Variants in SH3YL1 observed in about 807,000 individuals in gnomAD.
The protein encoded by SH3YL1 is SH3 domain-containing YSC84-like protein 1.
Under a neutral mutation model 45.8 loss-of-function variants are expected in SH3YL1, and 41 were observed. The observed-to-expected ratio is 0.89, with a 90% confidence interval of 0.70 to 1.16. The LOEUF is 1.16. Ranked by LOEUF, SH3YL1 falls within the 50% of genes most tolerant of loss-of-function variation. The probability of loss-of-function intolerance (pLI) is 0.00; values close to 1 mark genes in which losing one functional copy is unlikely to be tolerated. For missense variants in SH3YL1, 389 were observed against 409.6 expected (o/e 0.95, Z 0.43); for synonymous variants, 152 against 151.4 (o/e 1.00, Z -0.03).
intron 4 of SH3YL1, 132 bp from the exon 5 acceptor site, chr2:234,404 C>G: frequency 1.6e-6 from 1 of 617,280 alleles, no homozygotes; most frequent in Non-Finnish European, 2.7e-6. Context: ...GAACGTGAGA[C>G]AAGAGCCATA....
chr2:238,328 C>A (rs549399272), intron 4 of SH3YL1, among the ~76,000 whole-genome samples: 2 of 149,184 alleles, frequency 1.3e-5, no homozygotes, highest in African/African-American at 5.0e-5. Context: ...AATATGTAAA[C>A]CAAGCTTAAG....
chr2:252,741 T>A (rs1161273427), intron 2 of SH3YL1, among the ~76,000 whole-genome samples: 2 of 152,230 alleles, frequency 1.3e-5, no homozygotes, highest in East Asian at 3.8e-4. Flanking sequence ...TTGCCAAAGT[T>A]AATTGGCATT....
intron 1 of SH3YL1, chr2:259,942 T>A (rs1433732578): frequency 3.9e-5 from 6 of 152,018 alleles, no homozygotes; most frequent in Admixed American, 3.9e-4. Context: ...AAGACCCAAG[T>A]ATGGCAACAA....
At chr2:220,905 C>T (rs1345806620) in intron 9 of SH3YL1, among the ~76,000 whole-genome samples, 1 of 152,190 alleles carries the variant, frequency 6.6e-6, no homozygotes, top group African/African-American at 2.4e-5. Flanking sequence ...GGAGCCACAG[C>T]CATCTTAGCT....
At position 218,643 on chromosome 2, in the gene SH3YL1, G is replaced by A; in HGVS notation, c.*168C>T. 1.7e-6 allele frequency: 1 copy of A among 584,244 alleles called. No homozygotes were observed. The highest frequency in any genetic ancestry group is 3.0e-6 in the Non-Finnish European group (1 of 337,622). 36.2% of individuals were successfully genotyped at this position (584,244 alleles called of 1,614,324 possible). On this transcript the variant is annotated 3_prime_UTR_variant, in exon 10 of 10. Transcript: ENST00000356150. Reference sequence around the variant, plus strand: ...GTTAGTACAAAGTATTTAAAGATATGTCAGTCAGCTCTTTTTATATAGAAA... The same window carrying A: ...GTTAGTACAAAGTATTTAAAGATATATCAGTCAGCTCTTTTTATATAGAAA...
rs995839879 is a variant in SH3YL1, at chr2:250,937, A to T, written c.113-1093T>A. On this transcript the variant is annotated intron_variant, in intron 2 of 9. Coordinates refer to ENST00000356150, the MANE Select transcript of SH3YL1 (RefSeq NM_015677.4). ...TTTTAAAAGGTTATAATTATATTGT[A>T]ACAAGATTGAAAGCTGTATTATATG... 2.0e-5 allele frequency among the ~76,000 whole-genome samples: 3 copies of T among 152,246 alleles called. No homozygotes were observed. The South Asian group carries it at 6.2e-4, about 31-fold the overall frequency.
At chr2:260,244 A>G (rs544431460) in intron 1 of SH3YL1, 3 of 152,326 alleles carry the variant, frequency 2.0e-5, no homozygotes, top group Non-Finnish European at 2.9e-5. Context: ...ACATTTATAC[A>G]TATATCTAGA....
intron 5 of SH3YL1, among the ~76,000 whole-genome samples, 183 bp from the exon 6 acceptor site, chr2:233,412 G>T (rs1668142378): frequency 6.6e-6 from 1 of 152,228 alleles, no homozygotes; most frequent in Non-Finnish European, 1.5e-5. Flanking sequence ...AGGAAAAACA[G>T]GCCGGGGGAA....
In SH3YL1 at chr2:230,024, C is replaced by A. The variant is rs1667963387; in HGVS notation, c.723G>T (p.Lys241Asn). 6.2e-7 allele frequency: 1 copy of A among 1,605,620 alleles called. No homozygotes were observed. The highest frequency in any genetic ancestry group is 1.7e-5 in the Admixed American group (1 of 59,144). ...ATGACTGCTGTGGTCTTGACAATGGCTTTGGAGGTAATTCTTTAGCCTGGG... is the reference window on the plus strand; with the variant it reads ...ATGACTGCTGTGGTCTTGACAATGGATTTGGAGGTAATTCTTTAGCCTGGG... ...RKSSAKELPP[K>N]PLSRPQQSSA... Residue 241 changes from lysine (K) to asparagine (N), a missense_variant, in exon 8 of 10, where the codon AAG (lysine) becomes AAT (asparagine). Physicochemically the swap from Lys to Asn is moderately conservative, Grantham distance 94 (BLOSUM62 0). Transcript: ENST00000356150.
At chr2:230,229 G>C (rs933599174) in intron 7 of SH3YL1, 185 bp from the exon 8 acceptor site, 7 of 450,496 alleles carry the variant, frequency 1.6e-5, no homozygotes, top group African/African-American at 1.4e-4. Context: ...ACAAGACTCA[G>C]ATGTGGACAG....
chr2:237,522 C>T (rs1668361413), intron 4 of SH3YL1, among the ~76,000 whole-genome samples: 1 of 151,996 alleles, frequency 6.6e-6, no homozygotes, highest in African/African-American at 2.4e-5. Flanking sequence ...TCTCAGAAAA[C>T]CCTGTAAGCA....
intron 1 of SH3YL1, among the ~76,000 whole-genome samples, chr2:253,961 A>G (rs2103053095): frequency 6.6e-6 from 1 of 152,308 alleles, no homozygotes; most frequent in Admixed American, 6.5e-5. Flanking sequence ...CTCATCTCAG[A>G]AATTATAAAA....
chr2:227,420 T>G (rs932725300), intron 8 of SH3YL1, among the ~76,000 whole-genome samples: 1 of 152,116 alleles, frequency 6.6e-6, no homozygotes, highest in Non-Finnish European at 1.5e-5. Context: ...ATAAAGTTAA[T>G]ATACATCAAT....
intron 4 of SH3YL1, among the ~76,000 whole-genome samples, chr2:246,237 G>T (rs1668804089): frequency 6.6e-6 from 1 of 151,756 alleles, no homozygotes; most frequent in Non-Finnish European, 1.5e-5. Context: ...CTATGTATCA[G>T]TCTATAAAAT....
rs1668792491 is a variant in SH3YL1, at chr2:246,084, A to G, written c.291+1454T>C. 2.6e-5 allele frequency among the ~76,000 whole-genome samples: 4 copies of G among 151,750 alleles called. No homozygotes were observed. In the South Asian group the frequency reaches 8.3e-4, roughly 32 times the overall value. On this transcript the variant is annotated intron_variant, in intron 4 of 9. Transcript: ENST00000356150. Reference sequence around the variant, plus strand: ...GTGGTGCACGCCTGTAGTCCCAGCTACTCGGGAGGCTGAGGCAGGAGAATC... The same window carrying G: ...GTGGTGCACGCCTGTAGTCCCAGCTGCTCGGGAGGCTGAGGCAGGAGAATC...
upstream of SH3YL1, chr2:264,796 C>A: frequency 1.4e-6 from 1 of 723,818 alleles, no homozygotes; most frequent in Non-Finnish European, 2.2e-6. Flanking sequence ...ATAGGACCGC[C>A]TCCGCAGGCG....
rs984953341 is a variant in SH3YL1, at chr2:249,861, C to A, written c.113-17G>T. 1.3e-6 allele frequency: 2 copies of A among 1,511,512 alleles called. No homozygotes were observed. Among genetic ancestry groups the A allele is most frequent in the Non-Finnish European group, 9.0e-7 (1 of 1,110,236 alleles). 93.6% of individuals were successfully genotyped at this position (1,511,512 alleles called of 1,614,324 possible). On this transcript the variant is annotated splice_polypyrimidine_tract_variant and intron_variant, in intron 2 of 9. Coordinates refer to ENST00000356150, the MANE Select transcript of SH3YL1 (RefSeq NM_015677.4). ...TTACGTGAGCTGTTAACGTGGAAAA[C>A]AATGGGAAGGTAAGCATTTTGATCT...
intron 6 of SH3YL1, among the ~76,000 whole-genome samples, chr2:232,277 C>G (rs1014714144): frequency 2.0e-5 from 3 of 150,648 alleles, no homozygotes; most frequent in Non-Finnish European, 4.4e-5. Flanking sequence ...TTAAATTGCT[C>G]TCTATTTGAC....
chr2:219,485 C>T (rs976910221), intron 9 of SH3YL1, among the ~76,000 whole-genome samples: 1 of 152,104 alleles, frequency 6.6e-6, no homozygotes, highest in African/African-American at 2.4e-5. Flanking sequence ...AGCCAGATGG[C>T]ACCATCTCTG....
Sources: gnomAD v4.1 joint callset for allele counts (sites outside exome capture counted in the v4.1 genomes callset) on GRCh38, gnomAD v4.1.1 for gene constraint, MANE v1.5 for transcripts, NCBI Gene and HGNC (gene_info 2026-07-23, HGNC 2026-07-21) for gene names.